TCF12: variants seen among roughly 807,000 people sequenced by gnomAD.
TCF12 encodes the protein transcription factor 12.
A neutral mutation model predicts 86.0 loss-of-function variants in TCF12; 45 were observed. That is an observed-to-expected ratio of 0.52 (90% CI 0.41 to 0.67). TCF12 has a LOEUF of 0.67. Among genes scored for constraint, TCF12 ranks in the 30% least tolerant of loss-of-function variants. The probability of loss-of-function intolerance (pLI) is 0.00; values close to 1 mark genes in which losing one functional copy is unlikely to be tolerated. For synonymous variants in TCF12, 330 were observed against 299.6 expected, an observed-to-expected ratio of 1.10 and a Z score of -1.05; for missense variants, 881 against 859.9, an observed-to-expected ratio of 1.02 and a Z score of -0.31.
At chr15:56,961,723 C>T (rs143301871) in intron 3 of TCF12, among the ~76,000 whole-genome samples, 1 of 152,192 alleles carries the variant, frequency 6.6e-6, no homozygotes, top group African/African-American at 2.4e-5. Flanking sequence ...AGAATGGAAG[C>T]TATGAGAGTG....
chr15:57,083,414 A>T (rs2048435507), intron 4 of TCF12, among the ~76,000 whole-genome samples: 1 of 151,918 alleles, frequency 6.6e-6, no homozygotes, highest in Non-Finnish European at 1.5e-5. Flanking sequence ...TACAATGGGT[A>T]TATGTTATTT....
chr15:57,081,399 C>G (rs1275699504), intron 4 of TCF12, among the ~76,000 whole-genome samples: 1 of 152,166 alleles, frequency 6.6e-6, no homozygotes, highest in Non-Finnish European at 1.5e-5. Context: ...TTTTCTGTGC[C>G]TCTTGCCTCA....
intron 3 of TCF12, among the ~76,000 whole-genome samples, chr15:57,005,151 T>A (rs1864472191): frequency 6.6e-6 from 1 of 152,234 alleles, no homozygotes; most frequent in Non-Finnish European, 1.5e-5. Flanking sequence ...TTCCTAGTAT[T>A]TCTGGGTGTT....
intron 4 of TCF12, among the ~76,000 whole-genome samples, chr15:57,081,500 G>A (rs570660167): frequency 2.0e-5 from 3 of 152,196 alleles, no homozygotes; most frequent in South Asian, 2.1e-4. Context: ...AAATGGTATC[G>A]CCAAATGTAT....
chr15:57,083,592 A>T (rs1288470316), intron 4 of TCF12, among the ~76,000 whole-genome samples: 3 of 152,028 alleles, frequency 2.0e-5, no homozygotes, highest in African/African-American at 7.2e-5. Flanking sequence ...TTTAATTTTT[A>T]AAAATTTTTT....
intron 5 of TCF12, among the ~76,000 whole-genome samples, chr15:57,164,634 C>T (rs1223256128): frequency 2.0e-5 from 3 of 152,132 alleles, no homozygotes; most frequent in Non-Finnish European, 4.4e-5. Context: ...GGTGAGGACA[C>T]AGCCAAACCG....
At chr15:56,938,994 T>C (rs1595761193) in intron 3 of TCF12, among the ~76,000 whole-genome samples, 1 of 152,216 alleles carries the variant, frequency 6.6e-6, no homozygotes, top group South Asian at 2.1e-4. Context: ...GCCAGTCTTA[T>C]ATTCACTGCT....
intron 6 of TCF12, among the ~76,000 whole-genome samples, chr15:57,177,732 T>C (rs1177070734): frequency 1.3e-5 from 2 of 152,044 alleles, no homozygotes; most frequent in African/African-American, 4.8e-5. Context: ...TTTATTTATT[T>C]ATTTTGTGAA....
At chr15:57,165,747 A>G (rs979943303) in intron 5 of TCF12, among the ~76,000 whole-genome samples, 2 of 151,984 alleles carry the variant, frequency 1.3e-5, no homozygotes, top group Non-Finnish European at 2.9e-5. Context: ...CTTGTTAGCC[A>G]GGATTGTCTT....
intron 3 of TCF12, among the ~76,000 whole-genome samples, chr15:56,943,891 C>G (rs1595786244): frequency 1.3e-5 from 2 of 152,278 alleles, no homozygotes; most frequent in African/African-American, 4.8e-5. Flanking sequence ...TCCCCAACCC[C>G]AGGCATTCCA....
chr15:56,922,206 C>T (rs1285222869), intron 3 of TCF12, among the ~76,000 whole-genome samples: 1 of 151,904 alleles, frequency 6.6e-6, no homozygotes, highest in Non-Finnish European at 1.5e-5. Flanking sequence ...TGATACATCT[C>T]ATTTTTGCAA....
chr15:57,271,798 C>T (rs1202835968), intron 18 of TCF12, among the ~76,000 whole-genome samples: 1 of 152,152 alleles, frequency 6.6e-6, no homozygotes, highest in Non-Finnish European at 1.5e-5. Context: ...AGGCTTAATA[C>T]ACATGTAATA....
intron 8 of TCF12, among the ~76,000 whole-genome samples, chr15:57,222,247 C>T (rs1426229911): frequency 8.5e-5 from 12 of 141,548 alleles, no homozygotes; most frequent in Admixed American, 3.5e-4. Context: ...TTTTAGTTTT[C>T]GAGTTGATTG....
chr15:57,070,791 G>A (rs1458015210), intron 4 of TCF12, among the ~76,000 whole-genome samples: 2 of 152,116 alleles, frequency 1.3e-5, no homozygotes, highest in African/African-American at 4.8e-5. Flanking sequence ...AAAAACACAG[G>A]TCATTCTGAC....
chr15:57,281,946 C>T (rs1213120453), intron 19 of TCF12, among the ~76,000 whole-genome samples: 1 of 152,048 alleles, frequency 6.6e-6, no homozygotes, highest in African/African-American at 2.4e-5. Context: ...TTGTCTTCCA[C>T]GAAACCAGTC....
At chr15:57,148,828 A>G (rs2053551822) in intron 5 of TCF12, among the ~76,000 whole-genome samples, 1 of 152,104 alleles carries the variant, frequency 6.6e-6, no homozygotes, top group African/African-American at 2.4e-5. Context: ...GTGAGCCAGG[A>G]CTGTGCCACT....
intron 5 of TCF12, among the ~76,000 whole-genome samples, chr15:57,164,654 G>A (rs535024951): frequency 4.6e-5 from 7 of 152,052 alleles, no homozygotes; most frequent in East Asian, 1.9e-4. Context: ...GTATCAGTGG[G>A]TATAGTCACA....
At position 57,091,785 on chromosome 15, in the gene TCF12, C is replaced by T. The variant is rs1294961711; in HGVS notation, c.223-4C>T. ...TTAATACTCTGATCTTTTTCTCCCCCTAGGGTTTTACAGACAGCCCTCATT... is the reference window on the plus strand; with the variant it reads ...TTAATACTCTGATCTTTTTCTCCCCTTAGGGTTTTACAGACAGCCCTCATT... On this transcript the variant is annotated splice_polypyrimidine_tract_variant and splice_region_variant and intron_variant, in intron 4 of 20. Transcript: ENST00000333725. 2 of 1,611,902 alleles carry T rather than the reference C, an allele frequency of 1.2e-6. No individual in the cohort carries two copies. Among genetic ancestry groups the T allele is most frequent in the Admixed American group, 1.7e-5 (1 of 59,960 alleles).
chr15:57,197,926 TACTTTAC>T, intron 8 of TCF12, 101 bp downstream of exon 8: 2 of 1,122,392 alleles, frequency 1.8e-6, no homozygotes, highest in Non-Finnish European at 2.6e-6. Flanking sequence ...CGAGTGGGCA[TACTTTAC>T]ATAGTAATTG....
Sources: allele counts gnomAD v4.1 joint callset (sites outside exome capture counted in the v4.1 genomes callset), GRCh38; gene constraint gnomAD v4.1.1; transcripts MANE v1.5; gene names NCBI Gene and HGNC (gene_info 2026-07-23, HGNC 2026-07-21).